MYCBP2: variants seen among roughly 807,000 people sequenced by gnomAD.
MYCBP2 encodes the protein MYC binding protein 2.
In MYCBP2, 120 loss-of-function variants were observed where a neutral mutation model predicts 525.3. The ratio of observed to expected loss-of-function variants is 0.23; its 90% CI spans 0.20 to 0.27. MYCBP2 has a LOEUF of 0.27. MYCBP2 is among the 10% of genes least tolerant of loss of function. MYCBP2 has a pLI of 1.00. For synonymous variants in MYCBP2, 1,894 were observed against 1,955.8 expected (o/e 0.97, Z 0.83); for missense variants, 4,149 against 5,657.1 (o/e 0.73, Z 8.55).
intron 27 of MYCBP2, 21 bp from the exon 28 acceptor site, chr13:77,191,834 C>CA: frequency 6.2e-7 from 1 of 1,609,658 alleles, no homozygotes; most frequent in Non-Finnish European, 8.5e-7. Flanking sequence ...ATTAGTGAGT[C>CA]AAAAACAATA....
chr13:77,076,918 T>C, intron 67 of MYCBP2, 69 bp from the exon 68 acceptor site: 3 of 1,252,862 alleles, frequency 2.4e-6, no homozygotes, highest in South Asian at 1.3e-5. Flanking sequence ...AGAGGACTCA[T>C]TAGCTGATTC....
intron 46 of MYCBP2, among the ~76,000 whole-genome samples, chr13:77,151,747 A>T (rs902325320): frequency 4.6e-5 from 7 of 152,242 alleles, no homozygotes; most frequent in Admixed American, 6.5e-5. Context: ...ACTATCTTTG[A>T]TCTACTAACT....
chr13:77,305,129 G>A (rs2079245330), intron 1 of MYCBP2, among the ~76,000 whole-genome samples: 1 of 151,946 alleles, frequency 6.6e-6, no homozygotes, highest in Non-Finnish European at 1.5e-5. Context: ...GACTCTTTTA[G>A]ACAATATAAA....
At chr13:77,198,161 G>A (rs1041326680) in intron 26 of MYCBP2, among the ~76,000 whole-genome samples, 1 of 152,220 alleles carries the variant, frequency 6.6e-6, no homozygotes, top group Non-Finnish European at 1.5e-5. Flanking sequence ...TTTTAAAGCA[G>A]TTGCACTGAA....
chr13:77,085,965 T>C (rs539445628), intron 62 of MYCBP2, among the ~76,000 whole-genome samples: 1 of 152,318 alleles, frequency 6.6e-6, no homozygotes, highest in East Asian at 1.9e-4. Context: ...CTGTCCTATT[T>C]TTCCTTGCAG....
At chr13:77,147,132 T>G (rs2055720074) in intron 47 of MYCBP2, among the ~76,000 whole-genome samples, 1 of 152,108 alleles carries the variant, frequency 6.6e-6, no homozygotes, top group African/African-American at 2.4e-5. Flanking sequence ...GATATTATTT[T>G]ATAAACTTCT....
In MYCBP2 at chr13:77,126,297, T is replaced by C. The variant is rs559845283; in HGVS notation, c.7884+21A>G. ...TTAAAAATGAGTATCTTAGAAGTCA[T>C]GAAGCTACAAGAATCCATACCTCTC... On this transcript the variant is annotated intron_variant, in intron 53 of 82. Coordinates refer to ENST00000544440, the MANE Select transcript of MYCBP2 (RefSeq NM_015057.5). The C allele has an allele frequency of 8.1e-6, 13 of 1,598,672 alleles. No homozygotes were observed. The Middle Eastern group carries it at 5.0e-4, about 62-fold the overall frequency.
chr13:77,291,710 T>C (rs987351437), intron 2 of MYCBP2, among the ~76,000 whole-genome samples: 6 of 150,352 alleles, frequency 4.0e-5, no homozygotes, highest in Non-Finnish European at 8.8e-5. Flanking sequence ...GAGGTTGCAA[T>C]GAGCCGAGAT....
Position 77,205,353 on chromosome 13 carries a change from T to G in MYCBP2, c.3746A>C (p.His1249Pro). ...SHGGGWGYSAHSVEAIRFSAD... is the reference protein window; with the variant it reads ...SHGGGWGYSAPSVEAIRFSAD... Reference sequence around the variant, plus strand: ...ACTGAAACGTATAGCTTCTACTGAATGGGCAGAATAACCCCAGCCTCCTCC... The same window carrying G: ...ACTGAAACGTATAGCTTCTACTGAAGGGGCAGAATAACCCCAGCCTCCTCC... The change falls in exon 26 of 83, where the codon CAT becomes CCT. Residue 1249 changes from histidine to proline, a missense_variant. Transcript: ENST00000544440. 6.2e-7 allele frequency: 1 copy of G among 1,613,882 alleles called. No individual in the cohort carries two copies. The highest frequency in any genetic ancestry group is 8.5e-7 in the Non-Finnish European group (1 of 1,179,852).
At position 77,176,680 on chromosome 13, in the gene MYCBP2, G is replaced by T. The variant is rs749809307; in HGVS notation, c.5341-52C>A. On this transcript the variant is annotated intron_variant, in intron 35 of 82. Coordinates refer to ENST00000544440, the MANE Select transcript of MYCBP2 (RefSeq NM_015057.5). Reference sequence around the variant, plus strand: ...ATTCCAACAGACTCTTAATTTTATTGTATGAACAATTTTGATTTATAATTA... The same window carrying T: ...ATTCCAACAGACTCTTAATTTTATTTTATGAACAATTTTGATTTATAATTA... 5.4e-6 allele frequency: 7 copies of T among 1,307,144 alleles called. No homozygotes were observed. The East Asian group carries it at 1.5e-4, about 29-fold the overall frequency. The allele number at this position is 1,307,144 out of a possible 1,614,324, so 81.0% of individuals were successfully genotyped here.
chr13:77,306,675 A>C (rs180968374), intron 1 of MYCBP2, among the ~76,000 whole-genome samples: 1 of 152,326 alleles, frequency 6.6e-6, no homozygotes, highest in Admixed American at 6.5e-5. Flanking sequence ...GGCCAGGGAA[A>C]CTCAAGCCTT....
chr13:77,244,029 T>A, intron 15 of MYCBP2, 78 bp from the exon 16 acceptor site: 3 of 1,392,846 alleles, frequency 2.2e-6, no homozygotes, highest in Non-Finnish European at 2.8e-6. Context: ...TTTCTATAAC[T>A]TATTTTCCAC....
At position 77,084,866 on chromosome 13, in the gene MYCBP2, C is replaced by G. The variant is rs868159227; in HGVS notation, c.10876-1674G>C. On this transcript the variant is annotated intron_variant, in intron 62 of 82. Coordinates refer to ENST00000544440, the MANE Select transcript of MYCBP2 (RefSeq NM_015057.5). ...TTTCTGCAGCTCTGTACCACTAGTG[C>G]CCTGCTTCCCACATCCCAAAGTTAC... 5.3e-4 allele frequency among the ~76,000 whole-genome samples: 81 copies of G among 152,042 alleles called. 2 individuals are homozygous for G. Among genetic ancestry groups the G allele is most frequent in the Admixed American group, 2.0e-4 (3 of 15,226 alleles).
chr13:77,169,774 A>T, intron 38 of MYCBP2, 60 bp from the exon 39 acceptor site: 1 of 1,338,862 alleles, frequency 7.5e-7, no homozygotes, highest in Non-Finnish European at 1.1e-6. Flanking sequence ...ATTGTACTGC[A>T]TACATGCTGT....
chr13:77,081,502 G>A lies in MYCBP2; in HGVS notation c.11343C>T (p.Asn3781=). 1 of 1,613,376 alleles carries A rather than the reference G, an allele frequency of 6.2e-7. No individual in the cohort carries two copies. The highest frequency in any genetic ancestry group is 1.1e-5 in the South Asian group (1 of 91,052). ...TTCCTTTTACACAGTTGATGGTGAT[G>A]TTCTTAGTTTTGTTTTTATCTTCAT... ...SGDEDKNKTK[N]ITINCVKGIN... Residue 3781 remains asparagine, a synonymous_variant, in exon 65 of 83, where the codon AAC becomes AAT. Coordinates refer to ENST00000544440, the MANE Select transcript of MYCBP2 (RefSeq NM_015057.5). This position sits in a 1 kb window ranked among gnomAD's most constrained non-coding sequence, Gnocchi z 4.6.
At position 77,058,157 on chromosome 13, in the gene MYCBP2, G is replaced by A; in HGVS notation, c.13329+61C>T. 1 of 1,553,164 alleles carries A rather than the reference G, an allele frequency of 6.4e-7. No homozygotes were observed. The highest frequency in any genetic ancestry group is 8.8e-7 in the Non-Finnish European group (1 of 1,140,714). On this transcript the variant is annotated intron_variant, in intron 78 of 82. Transcript: ENST00000544440. The surrounding 1 kb of genome is among the most constrained non-coding windows in gnomAD (Gnocchi z 4.1). ...GCCCGGCCTCAATCAATGTTTATTT[G>A]ACAAATATATTCCCCATCTTAATGT...
chr13:77,046,706 T>C (rs1350436023), intron 82 of MYCBP2, among the ~76,000 whole-genome samples: 1 of 152,182 alleles, frequency 6.6e-6, no homozygotes, highest in African/African-American at 2.4e-5. Flanking sequence ...ACAGCTAATC[T>C]CAGAGAAGTC....
At chr13:77,063,038 C>G (rs1243954448) in intron 73 of MYCBP2, among the ~76,000 whole-genome samples, 1 of 152,160 alleles carries the variant, frequency 6.6e-6, no homozygotes, top group Non-Finnish European at 1.5e-5. Context: ...CTACTAATGT[C>G]TTCTGAATAT....
chr13:77,082,885 T>A (rs1005265144), intron 63 of MYCBP2, 147 bp downstream of exon 63: 10 of 645,360 alleles, frequency 1.5e-5, no homozygotes, highest in Non-Finnish European at 1.7e-5. Context: ...TTCTAAAAAT[T>A]ATGACTGTAA....
Sources: allele counts gnomAD v4.1 joint callset (sites outside exome capture counted in the v4.1 genomes callset), GRCh38; gene constraint gnomAD v4.1.1; non-coding constraint Gnocchi (gnomAD v3.1); transcripts MANE v1.5; gene names NCBI Gene and HGNC (gene_info 2026-07-23, HGNC 2026-07-21).